The following ADGB variants were observed in gnomAD, a reference collection of about 807,000 sequenced individuals.
The protein encoded by ADGB is calpain-7-like protein.
Under a neutral mutation model 210.5 loss-of-function variants are expected in ADGB, and 172 were observed. The observed-to-expected ratio is 0.82, with a 90% CI of 0.72 to 0.93. The LOEUF (loss-of-function observed/expected upper bound fraction) is 0.93. ADGB is among the 40% of genes least tolerant of loss of function. ADGB has a pLI of 0.00. For synonymous variants in ADGB, 658 were observed against 662.7 expected (o/e 0.99, Z 0.11); for missense variants, 2,025 against 1,964.8 (o/e 1.03, Z -0.58).
rs938696710 is a variant in ADGB, at chr6:146,752,725, C to T, written c.3550+11C>T. 3 of 1,537,652 alleles carry T rather than the reference C, an allele frequency of 2.0e-6. No homozygotes were observed. The African/African-American group carries it at 4.2e-5, about 21-fold the overall frequency. Reference sequence around the variant, plus strand: ...GTTTGAGCTCCCAGTGTAAGTGTACCTTTATGAACAGGATAGTTAGATTCA... The same window carrying T: ...GTTTGAGCTCCCAGTGTAAGTGTACTTTTATGAACAGGATAGTTAGATTCA... On this transcript the variant is annotated intron_variant, in intron 27 of 35. Coordinates refer to ENST00000397944, the MANE Select transcript of ADGB (RefSeq NM_024694.4).
chr6:146,618,870 A>T (rs1780843115), intron 1 of ADGB, among the ~76,000 whole-genome samples: 1 of 151,992 alleles, frequency 6.6e-6, no homozygotes, highest in African/African-American at 2.4e-5. Flanking sequence ...GGGCTCTTTC[A>T]TCTGGAGTGC....
At chr6:146,714,644 A>G (rs894238985) in intron 13 of ADGB, among the ~76,000 whole-genome samples, 1 of 152,198 alleles carries the variant, frequency 6.6e-6, no homozygotes, top group African/African-American at 2.4e-5. Flanking sequence ...ATCCTTCTAC[A>G]GACATTCAAC....
At chr6:146,809,525 A>G (rs1778269766) in intron 35 of ADGB, among the ~76,000 whole-genome samples, 1 of 152,052 alleles carries the variant, frequency 6.6e-6, no homozygotes, top group African/African-American at 2.4e-5. Context: ...ATTTTTTTGT[A>G]GAGACGGGGT....
intron 16 of ADGB, among the ~76,000 whole-genome samples, chr6:146,718,987 A>G (rs900384049): frequency 6.6e-6 from 1 of 152,242 alleles, no homozygotes; most frequent in African/African-American, 2.4e-5. Flanking sequence ...TGATATCAGC[A>G]TAATGTACAG....
chr6:146,605,681 G>A (rs1448827351), intron 1 of ADGB, among the ~76,000 whole-genome samples: 2 of 152,030 alleles, frequency 1.3e-5, no homozygotes, highest in African/African-American at 2.4e-5. Context: ...GCAGCACCCG[G>A]GACAACACTT....
rs1777230596 is a variant in ADGB, at chr6:146,746,047, T to A, written c.3303T>A (p.Asn1101Lys). The change falls in exon 26 of 36, where the codon AAT becomes AAA. Residue 1101 changes from asparagine (N) to lysine (K), a missense_variant. Coordinates refer to ENST00000397944, the MANE Select transcript of ADGB (RefSeq NM_024694.4). ...GCCTCTCTCGAGACTCTCCATGCAATTCCTTTGCCATAAAGGAAATCCGAG... is the reference window on the plus strand; with the variant it reads ...GCCTCTCTCGAGACTCTCCATGCAAATCCTTTGCCATAAAGGAAATCCGAG... Reference protein sequence around the residue: ...LPCLSRDSPCNSFAIKEIRDY... With the variant: ...LPCLSRDSPCKSFAIKEIRDY... 9 of 1,551,122 alleles carry A rather than the reference T, an allele frequency of 5.8e-6. No individual in the cohort carries two copies. Among genetic ancestry groups the A allele is most frequent in the Non-Finnish European group, 6.1e-6 (7 of 1,146,598 alleles).
chr6:146,730,100 A>T (rs1176874204), intron 20 of ADGB, among the ~76,000 whole-genome samples: 1 of 152,216 alleles, frequency 6.6e-6, no homozygotes, highest in African/African-American at 2.4e-5. Flanking sequence ...TTAGGACAGA[A>T]GTATACTACT....
Position 146,733,334 on chromosome 6 carries a change from G to T in ADGB, c.2656+79G>T, listed in dbSNP as rs115530800. 1.9e-3 allele frequency: 2,499 copies of T among 1,323,098 alleles called. 34 individuals carry two copies. In the African/African-American group the frequency reaches 0.033, roughly 18 times the overall value. 82.0% of individuals were successfully genotyped at this position (1,323,098 alleles called of 1,614,324 possible). On this transcript the variant is annotated intron_variant, in intron 21 of 35. Coordinates refer to ENST00000397944, the MANE Select transcript of ADGB (RefSeq NM_024694.4). ...AAATAATTTAAGAAATGTGTTTGTGGAGTAAGTGGAATAAGTCTGTGTGGA... is the reference window on the plus strand; with the variant it reads ...AAATAATTTAAGAAATGTGTTTGTGTAGTAAGTGGAATAAGTCTGTGTGGA...
At chr6:146,684,605 T>A (rs534223279) in intron 9 of ADGB, among the ~76,000 whole-genome samples, 87 of 152,244 alleles carry the variant, frequency 5.7e-4, no homozygotes, top group Admixed American at 2.0e-3. Context: ...ATCCTTAAAC[T>A]TAAGATGATT....
At chr6:146,761,176 T>A (rs1436125126) in intron 27 of ADGB, among the ~76,000 whole-genome samples, 2 of 152,026 alleles carry the variant, frequency 1.3e-5, no homozygotes, top group Non-Finnish European at 2.9e-5. Flanking sequence ...TCTAGGATCA[T>A]GAATATTTTC....
intron 35 of ADGB, chr6:146,803,922 A>C (rs1309118383): frequency 7.4e-6 from 2 of 271,008 alleles, no homozygotes; most frequent in Non-Finnish European, 1.4e-5. Context: ...CAGAATCCCC[A>C]AAAAGGCTTA....
chr6:146,728,850 G>T, intron 20 of ADGB, 109 bp downstream of exon 20: 3 of 914,586 alleles, frequency 3.3e-6, no homozygotes, highest in Non-Finnish European at 4.7e-6. Context: ...TATTTTGGAT[G>T]GAGATAATAT....
Position 146,768,528 on chromosome 6 carries a change from A to C in ADGB, c.3751-492A>C, listed in dbSNP as rs184098653. On this transcript the variant is annotated intron_variant, in intron 28 of 35. Coordinates refer to ENST00000397944, the MANE Select transcript of ADGB (RefSeq NM_024694.4). ...GTTGTACTAGGAAAATTACATCTCCATGGAGAGAAATAAAACTAGATCACT... is the reference window on the plus strand; with the variant it reads ...GTTGTACTAGGAAAATTACATCTCCCTGGAGAGAAATAAAACTAGATCACT... Among the ~76,000 whole-genome samples the C allele has an allele frequency of 6.4e-3, 982 of 152,254 alleles. 7 individuals carry two copies. Among genetic ancestry groups the C allele is most frequent in the African/African-American group, 0.022 (926 of 41,560 alleles).
At chr6:146,799,798 C>T (rs9485123) in intron 33 of ADGB, among the ~76,000 whole-genome samples, 1 of 151,802 alleles carries the variant, frequency 6.6e-6, no homozygotes, top group Non-Finnish European at 1.5e-5. Flanking sequence ...AAAACTGTTT[C>T]TTTTGTTGTT....
intron 2 of ADGB, among the ~76,000 whole-genome samples, chr6:146,635,916 A>G (rs1775412610): frequency 1.3e-5 from 2 of 152,046 alleles, no homozygotes; most frequent in Non-Finnish European, 2.9e-5. Context: ...CCGGGAGATA[A>G]TAGGAAAGAT....
At chr6:146,715,306 C>G in intron 13 of ADGB, 76 bp from the exon 14 acceptor site, 1 of 1,168,962 alleles carries the variant, frequency 8.6e-7, no homozygotes, top group Non-Finnish European at 1.2e-6. Flanking sequence ...ACTATATTAG[C>G]TCTTTTAGTA....
intron 13 of ADGB, among the ~76,000 whole-genome samples, chr6:146,705,433 G>A (rs1005938523): frequency 2.6e-5 from 4 of 152,078 alleles, no homozygotes; most frequent in African/African-American, 9.7e-5. Context: ...CCTTTGTTGT[G>A]TTGAAGTACA....
intron 6 of ADGB, among the ~76,000 whole-genome samples, chr6:146,664,793 G>T (rs1282656193): frequency 6.6e-6 from 1 of 151,986 alleles, no homozygotes; most frequent in Non-Finnish European, 1.5e-5. Flanking sequence ...TACGCTTCAT[G>T]ATTTTGGTAA....
Position 146,599,130 on chromosome 6 carries a change from C to T in ADGB, c.74+16C>T, listed in dbSNP as rs1562251454. The T allele has an allele frequency of 3.9e-6, 6 of 1,548,950 alleles. No individual in the cohort carries two copies. The highest frequency in any genetic ancestry group is 5.2e-6 in the Non-Finnish European group (6 of 1,144,596). On this transcript the variant is annotated intron_variant, in intron 1 of 35. Coordinates refer to ENST00000397944, the MANE Select transcript of ADGB (RefSeq NM_024694.4). ...AATCGAAAGAGTAAGGGACCTCTGC[C>T]TGTCCGTCCCTCCCCTGGCCTAGCC...
Sources: gnomAD v4.1 joint callset for allele counts (sites outside exome capture counted in the v4.1 genomes callset) on GRCh38, gnomAD v4.1.1 for gene constraint, MANE v1.5 for transcripts, NCBI Gene and HGNC (gene_info 2026-07-23, HGNC 2026-07-21) for gene names.